The following PITPNB variants were observed in gnomAD, a reference collection of about 807,000 sequenced individuals.
PITPNB encodes the protein phosphatidylinositol transfer protein beta, also known as phosphatidylinositol transfer protein beta isoform.
PITPNB carries 16 observed loss-of-function variants against 45.9 expected under a neutral mutation model. That is an observed-to-expected ratio of 0.35 (90% CI 0.24 to 0.53). The LOEUF is 0.53. Among genes scored for constraint, PITPNB ranks in the 20% least tolerant of loss-of-function variants. The pLI, the probability that PITPNB is intolerant of heterozygous loss-of-function variation, is 0.93. For synonymous variants in PITPNB, 112 were observed against 108.9 expected, an observed-to-expected ratio of 1.03 and a Z score of -0.18; for missense variants, 188 against 330.5, an observed-to-expected ratio of 0.57 and a Z score of 3.34.
intron 3 of PITPNB, among the ~76,000 whole-genome samples, chr22:27,905,247 A>C (rs551462547): frequency 6.6e-6 from 1 of 152,304 alleles, no homozygotes; most frequent in South Asian, 2.1e-4. Flanking sequence ...TCCCAGGTTC[A>C]AGCAATCCTC....
At chr22:27,870,534 C>T (rs1008474833) in intron 8 of PITPNB, among the ~76,000 whole-genome samples, 1 of 152,230 alleles carries the variant, frequency 6.6e-6, no homozygotes, top group African/African-American at 2.4e-5. Flanking sequence ...CCAGGCAGCT[C>T]TTCTATAAGA....
intron 7 of PITPNB, among the ~76,000 whole-genome samples, chr22:27,881,067 T>A (rs1368464858): frequency 2.6e-5 from 4 of 152,254 alleles, no homozygotes; most frequent in African/African-American, 9.6e-5. Context: ...TGAAAGTGTG[T>A]GACCATGTAA....
chr22:27,858,941 A>G (rs1934243981), intron 9 of PITPNB, among the ~76,000 whole-genome samples: 5 of 152,226 alleles, frequency 3.3e-5, no homozygotes, highest in Admixed American at 3.3e-4. Flanking sequence ...GAAAGAAAAG[A>G]GTCCTGGGTT....
intron 7 of PITPNB, among the ~76,000 whole-genome samples, chr22:27,889,602 G>A (rs1226337818): frequency 6.6e-6 from 1 of 152,170 alleles, no homozygotes; most frequent in Non-Finnish European, 1.5e-5. Flanking sequence ...CATTCTTACA[G>A]ATCATCTGTT....
Position 27,865,702 on chromosome 22 carries a change from G to A in PITPNB, c.535-5461C>T, listed in dbSNP as rs5762391. On this transcript the variant is annotated intron_variant, in intron 8 of 11. Transcript: ENST00000335272. ...GGCTTTAAAAAAATACAAATGTTGC[G>A]CGGAGGGTGAAAGGAAGGAGAGGAA... Among the ~76,000 whole-genome samples the A allele has an allele frequency of 3.3e-5, 5 of 152,012 alleles. No homozygotes were observed. In the East Asian group the frequency reaches 5.8e-4, roughly 18 times the overall value.
intron 8 of PITPNB, among the ~76,000 whole-genome samples, chr22:27,870,775 G>A (rs1286096982): frequency 6.6e-6 from 1 of 152,166 alleles, no homozygotes; most frequent in Non-Finnish European, 1.5e-5. Flanking sequence ...CAAGTCCAAA[G>A]GTTCCTATTT....
intron 8 of PITPNB, among the ~76,000 whole-genome samples, chr22:27,867,355 A>G (rs1449496682): frequency 2.6e-5 from 4 of 152,232 alleles, no homozygotes; most frequent in African/African-American, 9.6e-5. Context: ...GTGGCATTCA[A>G]AGGTGGGGAA....
At chr22:27,872,579 G>A (rs1440964961) in intron 8 of PITPNB, among the ~76,000 whole-genome samples, 1 of 152,088 alleles carries the variant, frequency 6.6e-6, no homozygotes, top group Non-Finnish European at 1.5e-5. Context: ...CCTTTTAGTT[G>A]ATGCACAAGA....
chr22:27,866,524 C>T (rs942025041), intron 8 of PITPNB, among the ~76,000 whole-genome samples: 1 of 152,156 alleles, frequency 6.6e-6, no homozygotes, highest in African/African-American at 2.4e-5. Context: ...CAAATATAAA[C>T]AAACGTAAAA....
At chr22:27,868,202 G>C (rs898921674) in intron 8 of PITPNB, among the ~76,000 whole-genome samples, 2 of 152,124 alleles carry the variant, frequency 1.3e-5, no homozygotes, top group African/African-American at 4.8e-5. Flanking sequence ...AAACAAGAGA[G>C]CACCTCCCAG....
chr22:27,911,725 T>C (rs1475843129), intron 2 of PITPNB, among the ~76,000 whole-genome samples: 2 of 152,186 alleles, frequency 1.3e-5, no homozygotes, highest in South Asian at 2.1e-4. Context: ...CCAGAAACAG[T>C]ATTGGGGGCC....
intron 7 of PITPNB, among the ~76,000 whole-genome samples, chr22:27,891,028 T>C (rs887106389): frequency 6.6e-6 from 1 of 152,042 alleles, no homozygotes; most frequent in Non-Finnish European, 1.5e-5. Flanking sequence ...AATAGGCAAA[T>C]CCCAAAAGAC....
At chr22:27,881,718 A>G (rs1027405989) in intron 7 of PITPNB, among the ~76,000 whole-genome samples, 4 of 152,196 alleles carry the variant, frequency 2.6e-5, no homozygotes, top group Non-Finnish European at 4.4e-5. Context: ...CAAATGTAAC[A>G]TCTAAAACAC....
rs751060495 is a variant in PITPNB at position 27,919,194 on chromosome 22, TC to T, written c.-4del. 1.1e-5 allele frequency: 17 copies of T among 1,613,072 alleles called. No homozygotes were observed. The African/African-American group carries it at 2.3e-4, about 22-fold the overall frequency. On this transcript the variant is annotated 5_prime_UTR_variant, in exon 1 of 12. Coordinates refer to ENST00000335272, the MANE Select transcript of PITPNB (RefSeq NM_012399.5). Reference sequence around the variant, plus strand: ...CACAATTCCTTGATCAGCACCATCTTCCCGGAACCCCCTCACAGCTGCCGCC... The same window carrying T: ...CACAATTCCTTGATCAGCACCATCTTCCGGAACCCCCTCACAGCTGCCGCC...
chr22:27,897,880 T>C lies in PITPNB; in HGVS notation c.210A>G (p.Ala70=). 1 of 1,612,728 alleles carries C rather than the reference T, an allele frequency of 6.2e-7. No individual in the cohort carries two copies. Among genetic ancestry groups the C allele is most frequent in the Non-Finnish European group, 8.5e-7 (1 of 1,178,698 alleles). ...CCTCGGGAGCAATCATCCTCACGAA[T>C]GCAGGCACTTTGCTGGGAGAAGAGA... is the stretch of plus-strand genomic sequence containing the variant. ...KIYHLKSKVP[A]FVRMIAPEGS... The change falls in exon 4 of 12, where the codon GCA becomes GCG. Residue 70 remains alanine (A), a synonymous_variant. Coordinates refer to ENST00000335272, the MANE Select transcript of PITPNB (RefSeq NM_012399.5).
intron 3 of PITPNB, among the ~76,000 whole-genome samples, chr22:27,906,052 A>G (rs1935748357): frequency 6.6e-6 from 1 of 152,246 alleles, no homozygotes; most frequent in Non-Finnish European, 1.5e-5. Context: ...ATGACTAGGT[A>G]TCAAAATGAG....
At chr22:27,865,953 A>C (rs1347460063) in intron 8 of PITPNB, among the ~76,000 whole-genome samples, 1 of 152,252 alleles carries the variant, frequency 6.6e-6, no homozygotes. Flanking sequence ...GATCTTTGAC[A>C]CATAACTCCA....
chr22:27,873,950 A>G, intron 7 of PITPNB, 135 bp from the exon 8 acceptor site: 1 of 620,638 alleles, frequency 1.6e-6, no homozygotes, highest in South Asian at 1.9e-5. Context: ...GCGTAAAAGT[A>G]GAAAAATGCT....
intron 7 of PITPNB, among the ~76,000 whole-genome samples, chr22:27,885,232 A>T (rs1290617345): frequency 4.7e-5 from 6 of 128,162 alleles, no homozygotes; most frequent in East Asian, 4.1e-4. Context: ...AAAAAAAAAA[A>T]AAAAAAAAAA....
Sources: allele counts gnomAD v4.1 joint callset (sites outside exome capture counted in the v4.1 genomes callset), GRCh38; gene constraint gnomAD v4.1.1; transcripts MANE v1.5; gene names NCBI Gene and HGNC (gene_info 2026-07-23, HGNC 2026-07-21).